Variants in NAALADL2 observed in about 807,000 individuals in gnomAD.
The protein encoded by NAALADL2 is N-acetylated alpha-linked acidic dipeptidase like 2, also known as inactive N-acetylated-alpha-linked acidic dipeptidase-like protein 2.
NAALADL2 carries 76 observed loss-of-function variants against 87.2 expected under a neutral mutation model. The observed-to-expected ratio is 0.87, with a 90% confidence interval of 0.72 to 1.05. NAALADL2 has a LOEUF of 1.05. NAALADL2 is among the 50% of genes least tolerant of loss of function. NAALADL2 has a pLI of 0.00. For missense variants in NAALADL2, 1,089 were observed against 945.8 expected (o/e 1.15, Z -1.99); for synonymous variants, 354 against 331.0 (o/e 1.07, Z -0.75).
intron 2 of NAALADL2, among the ~76,000 whole-genome samples, chr3:175,127,779 G>C (rs978937897): frequency 6.6e-6 from 1 of 151,926 alleles, no homozygotes; most frequent in Non-Finnish European, 1.5e-5. Flanking sequence ...AACTACTCAG[G>C]GTACTGAGGC....
At chr3:175,650,438 A>C (rs766406600) in intron 11 of NAALADL2, among the ~76,000 whole-genome samples, 5 of 152,166 alleles carry the variant, frequency 3.3e-5, no homozygotes, top group Non-Finnish European at 5.9e-5. Flanking sequence ...CAACTCTTTA[A>C]ATTTACTTAA....
intron 3 of NAALADL2, among the ~76,000 whole-genome samples, chr3:174,745,401 C>T (rs371851221): frequency 6.6e-6 from 1 of 152,076 alleles, no homozygotes; most frequent in South Asian, 2.1e-4. Flanking sequence ...AGGAGGAAGT[C>T]GAATCCCTGA....
intron 1 of NAALADL2, among the ~76,000 whole-genome samples, chr3:175,006,671 T>C (rs1303197479): frequency 6.6e-6 from 1 of 151,832 alleles, no homozygotes; most frequent in Non-Finnish European, 1.5e-5. Context: ...GTTTTTCTGC[T>C]AAGTGTATAG....
chr3:175,469,476 G>A (rs1325952629), intron 8 of NAALADL2, among the ~76,000 whole-genome samples: 1 of 152,012 alleles, frequency 6.6e-6, no homozygotes, highest in Non-Finnish European at 1.5e-5. Flanking sequence ...AACCCACAGT[G>A]GTAGTTAAGA....
At position 174,997,821 on chromosome 3, in the gene NAALADL2, A is replaced by T. The variant is rs1308355059; in HGVS notation, c.44-98969A>T. On this transcript the variant is annotated intron_variant, in intron 1 of 13. Coordinates refer to ENST00000454872, the MANE Select transcript of NAALADL2 (RefSeq NM_207015.3). ...AGAAGAGCAAAACTCTGTCTCAAAA[A>T]AACCAAAAAGCAAACAACAACAACA... is the stretch of plus-strand genomic sequence containing the variant. Among the ~76,000 whole-genome samples, 3 of 148,306 alleles carry T rather than the reference A, an allele frequency of 2.0e-5. No homozygotes were observed. The East Asian group carries it at 5.8e-4, about 29-fold the overall frequency.
intron 1 of NAALADL2, among the ~76,000 whole-genome samples, chr3:174,879,036 A>C (rs1728867301): frequency 8.4e-6 from 1 of 118,626 alleles, no homozygotes; most frequent in Admixed American, 8.0e-5. Context: ...AAAAATTTAT[A>C]GCTTTTCCAG....
chr3:175,741,585 G>GTT (rs762745438), intron 12 of NAALADL2, among the ~76,000 whole-genome samples: 5 of 146,252 alleles, frequency 3.4e-5, no homozygotes, highest in African/African-American at 1.2e-4. Flanking sequence ...TAAAATAGCT[G>GTT]TTTTTTTTTT....
intron 3 of NAALADL2, among the ~76,000 whole-genome samples, chr3:174,793,749 C>T (rs1229590905): frequency 6.6e-6 from 1 of 151,684 alleles, no homozygotes; most frequent in Non-Finnish European, 1.5e-5. Flanking sequence ...TTAAATAATT[C>T]TATCAACCAG....
intron 1 of NAALADL2, among the ~76,000 whole-genome samples, chr3:175,013,200 A>AT (rs1431532239): frequency 4.1e-5 from 4 of 96,752 alleles, no homozygotes; most frequent in Non-Finnish European, 7.3e-5. Flanking sequence ...ATATATACAT[A>AT]AATATATAAT....
intron 11 of NAALADL2, among the ~76,000 whole-genome samples, chr3:175,674,247 G>GGTTTTTTTTTTT (rs796930084): frequency 7.1e-6 from 1 of 139,930 alleles, no homozygotes; most frequent in African/African-American, 2.7e-5. Context: ...AACTGATAGT[G>GGTTTTTTTTTTT]TTTTTTTTTT....
rs79500568 is a variant in NAALADL2 at position 174,479,643 on chromosome 3, A to T, written c.-184+38611A>T. Among the ~76,000 whole-genome samples, 264 of 152,246 alleles carry T rather than the reference A, an allele frequency of 1.7e-3. 1 individual carries two copies. Among genetic ancestry groups the T allele is most frequent in the African/African-American group, 6.2e-3 (258 of 41,550 alleles). ...ACTAGTATATGCGATTGTATTTTCTAGCATAAAGTTATTTAGTTCTAGTAA... is the reference window on the plus strand; with the variant it reads ...ACTAGTATATGCGATTGTATTTTCTTGCATAAAGTTATTTAGTTCTAGTAA... On this transcript the variant is annotated intron_variant, in intron 1 of 3. Transcript: ENST00000434257.
At chr3:174,873,341 G>A (rs558631301) in intron 1 of NAALADL2, among the ~76,000 whole-genome samples, 26 of 151,678 alleles carry the variant, frequency 1.7e-4, no homozygotes, top group Non-Finnish European at 3.4e-4. Flanking sequence ...TGCAACCTCC[G>A]CCTCCCGGGT....
At chr3:175,627,198 G>T in intron 10 of NAALADL2, 93 bp from the exon 11 acceptor site, 1 of 962,850 alleles carries the variant, frequency 1.0e-6, no homozygotes, top group Non-Finnish European at 1.6e-6. Flanking sequence ...AGGCAATTTA[G>T]AGTCCTTTTT....
intron 4 of NAALADL2, among the ~76,000 whole-genome samples, chr3:175,305,486 C>T (rs73047229): frequency 0.075 from 11,407 of 151,910 alleles, 1,384 homozygotes; most frequent in African/African-American, 0.26. Context: ...TTGTTTAGTG[C>T]TTTCAGGTTT....
chr3:174,573,098 TA>T (rs1320348219), intron 2 of NAALADL2, among the ~76,000 whole-genome samples: 1 of 152,186 alleles, frequency 6.6e-6, no homozygotes, highest in Non-Finnish European at 1.5e-5. Context: ...TGTATGTATG[TA>T]TATCACATGG....
At chr3:174,471,204 A>C (rs1577978457) in intron 1 of NAALADL2, among the ~76,000 whole-genome samples, 1 of 151,262 alleles carries the variant, frequency 6.6e-6, no homozygotes, top group Admixed American at 6.6e-5. Context: ...TTAAAACCTT[A>C]CTTTTTTTTT....
chr3:175,116,833 G>A (rs1484238845), intron 2 of NAALADL2, among the ~76,000 whole-genome samples: 1 of 152,072 alleles, frequency 6.6e-6, no homozygotes, highest in Non-Finnish European at 1.5e-5. Flanking sequence ...AACAAAGCTG[G>A]AGGCATCACA....
intron 1 of NAALADL2, among the ~76,000 whole-genome samples, chr3:174,866,648 G>C (rs879663332): frequency 2.6e-5 from 4 of 151,740 alleles, no homozygotes; most frequent in Admixed American, 6.6e-5. Flanking sequence ...AGGGTTCAGT[G>C]CAGTTACTAT....
intron 1 of NAALADL2, among the ~76,000 whole-genome samples, chr3:175,089,281 G>A (rs147719047): frequency 1.3e-3 from 201 of 152,256 alleles, no homozygotes; most frequent in Non-Finnish European, 2.3e-3. Context: ...GGTGCTTAGT[G>A]TCACTTTGGT....
Sources: allele counts gnomAD v4.1 joint callset (sites outside exome capture counted in the v4.1 genomes callset), GRCh38; gene constraint gnomAD v4.1.1; transcripts MANE v1.5; gene names NCBI Gene and HGNC (gene_info 2026-07-23, HGNC 2026-07-21).